Variants in CA10 observed in about 807,000 individuals in gnomAD.
CA10 encodes carbonic anhydrase-related protein 10.
In CA10, 14 loss-of-function variants were observed where a neutral mutation model predicts 44.2. That is an observed-to-expected ratio of 0.32 (90% confidence interval 0.21 to 0.50). The LOEUF (loss-of-function observed/expected upper bound fraction) is 0.50, where lower values mean the gene tolerates loss of function less well. Ranked by LOEUF, CA10 falls within the 20% of genes least tolerant of loss-of-function variation. The pLI, the probability that CA10 is intolerant of heterozygous loss-of-function variation, is 0.99. For synonymous variants in CA10, 159 were observed against 141.6 expected (o/e 1.12, Z -0.87); for missense variants, 350 against 409.7 (o/e 0.85, Z 1.26).
At chr17:52,159,341 C>T (rs1334961956), upstream of CA10, 1 of 152,400 alleles carries the variant, frequency 6.6e-6, no homozygotes, top group Non-Finnish European at 1.5e-5. Context: ...CTGCCTCCCT[C>T]CTCCCGAAAA....
intron 1 of CA10, among the ~76,000 whole-genome samples, chr17:52,108,019 T>C (rs1598218426): frequency 6.6e-6 from 1 of 152,068 alleles, no homozygotes; most frequent in East Asian, 1.9e-4. Context: ...AGAAAGGAAT[T>C]TGTTTTTAAA....
At chr17:51,798,127 A>G (rs377034859) in intron 3 of CA10, among the ~76,000 whole-genome samples, 1 of 152,162 alleles carries the variant, frequency 6.6e-6, no homozygotes, top group Admixed American at 6.5e-5. Flanking sequence ...CTGTCCCTTA[A>G]TGATGGCCAC....
At chr17:51,887,884 G>C (rs951756658) in intron 3 of CA10, among the ~76,000 whole-genome samples, 3 of 151,718 alleles carry the variant, frequency 2.0e-5, no homozygotes, top group African/African-American at 7.3e-5. Flanking sequence ...AAATTAGTCG[G>C]GTGTGGTGGC....
intron 3 of CA10, among the ~76,000 whole-genome samples, chr17:51,925,137 CT>C (rs1290094452): frequency 1.3e-5 from 2 of 152,114 alleles, no homozygotes; most frequent in Non-Finnish European, 2.9e-5. Flanking sequence ...GATCCTCTTG[CT>C]TTAAGCCTTC....
intron 3 of CA10, among the ~76,000 whole-genome samples, chr17:51,773,719 A>T (rs1305443769): frequency 6.6e-6 from 1 of 152,244 alleles, no homozygotes; most frequent in Non-Finnish European, 1.5e-5. Context: ...TACAACTTCG[A>T]TGAACTGTAG....
chr17:51,913,068 C>A (rs900463649), intron 3 of CA10, among the ~76,000 whole-genome samples: 1 of 152,130 alleles, frequency 6.6e-6, no homozygotes, highest in African/African-American at 2.4e-5. Context: ...TGGAAGGCAT[C>A]CATTAACTAA....
chr17:52,073,026 T>C (rs1156928636), intron 1 of CA10, among the ~76,000 whole-genome samples: 1 of 152,090 alleles, frequency 6.6e-6, no homozygotes, highest in African/African-American at 2.4e-5. Context: ...TTCATGACAG[T>C]TGACAAGTGA....
intron 3 of CA10, among the ~76,000 whole-genome samples, chr17:51,854,770 G>A (rs58290553): frequency 2.0e-5 from 3 of 152,334 alleles, no homozygotes; most frequent in African/African-American, 7.2e-5. Flanking sequence ...AAAGCTTACT[G>A]TGGTGTCCAC....
intron 4 of CA10, among the ~76,000 whole-genome samples, chr17:51,718,057 G>A (rs1161065759): frequency 2.7e-5 from 4 of 149,124 alleles, no homozygotes; most frequent in African/African-American, 7.4e-5. Flanking sequence ...GGACTTTGGG[G>A]ACTTGGGGGG....
chr17:51,739,224 GA>G (rs1386708940), intron 4 of CA10, among the ~76,000 whole-genome samples: 3 of 151,932 alleles, frequency 2.0e-5, no homozygotes, highest in Non-Finnish European at 4.4e-5. Context: ...TGCAGCGTTG[GA>G]AATGAGTTAA....
upstream of CA10, chr17:52,159,813 G>C (rs1382698675): frequency 6.6e-6 from 1 of 152,304 alleles, no homozygotes; most frequent in Non-Finnish European, 1.5e-5. Flanking sequence ...AAAACCCTGT[G>C]CTCAGAACTG....
At chr17:51,760,283 C>T (rs940060265) in intron 3 of CA10, among the ~76,000 whole-genome samples, 45 of 152,226 alleles carry the variant, frequency 3.0e-4, no homozygotes, top group African/African-American at 9.9e-4. Context: ...TTTGCTCATT[C>T]GTCATTTCAT....
At chr17:51,738,497 C>T (rs1242540201) in intron 4 of CA10, among the ~76,000 whole-genome samples, 1 of 152,078 alleles carries the variant, frequency 6.6e-6, no homozygotes, top group Non-Finnish European at 1.5e-5. Context: ...ATATTGAGAC[C>T]AAGGAAGAAC....
intron 2 of CA10, among the ~76,000 whole-genome samples, chr17:51,936,492 T>A (rs1310272757): frequency 6.6e-6 from 1 of 152,088 alleles, no homozygotes; most frequent in East Asian, 1.9e-4. Flanking sequence ...GGAGAAAGGA[T>A]GTCCAAGGCA....
chr17:51,965,407 C>T (rs967463652), intron 2 of CA10, among the ~76,000 whole-genome samples: 8 of 151,522 alleles, frequency 5.3e-5, no homozygotes, highest in Admixed American at 4.6e-4. Flanking sequence ...ATACTAAAAC[C>T]TGGTAAAGAC....
At chr17:51,800,876 A>T (rs890073809) in intron 3 of CA10, among the ~76,000 whole-genome samples, 2 of 152,114 alleles carry the variant, frequency 1.3e-5, no homozygotes, top group African/African-American at 4.8e-5. Flanking sequence ...GGGGGTATCC[A>T]CCTTTGACTC....
At chr17:51,731,284 G>T (rs1483588845) in intron 4 of CA10, among the ~76,000 whole-genome samples, 1 of 152,202 alleles carries the variant, frequency 6.6e-6, no homozygotes, top group Admixed American at 6.5e-5. Context: ...GGCTGAGGCA[G>T]GAGAATCACT....
chr17:52,061,916 G>A (rs1489779494), intron 2 of CA10, among the ~76,000 whole-genome samples: 1 of 152,134 alleles, frequency 6.6e-6, no homozygotes. Context: ...TAATTGGGAT[G>A]TATTGAAGGA....
chr17:51,777,836 GT>G lies in CA10; in HGVS notation c.280-30019del, dbSNP rs1341818933. ...GGTCCCTGCTACTCTGGAGGCTGAGGTGGAAGGATTGCTTGAGCCTGGGAGG... is the reference window on the plus strand; with the variant it reads ...GGTCCCTGCTACTCTGGAGGCTGAGGGGAAGGATTGCTTGAGCCTGGGAGG... On this transcript the variant is annotated intron_variant, in intron 3 of 8. Coordinates refer to ENST00000451037, the MANE Select transcript of CA10 (RefSeq NM_020178.5). 2.0e-5 allele frequency among the ~76,000 whole-genome samples: 3 copies of G among 152,174 alleles called. No homozygotes were observed. In the East Asian group the frequency reaches 5.8e-4, roughly 29 times the overall value.
Sources: allele counts gnomAD v4.1 joint callset (sites outside exome capture counted in the v4.1 genomes callset), GRCh38; gene constraint gnomAD v4.1.1; transcripts MANE v1.5; gene names NCBI Gene and HGNC (gene_info 2026-07-23, HGNC 2026-07-21).